Variants in MAGI2 observed in about 807,000 individuals in gnomAD.
The protein encoded by MAGI2 is membrane associated guanylate kinase, WW and PDZ domain containing 2, also known as membrane-associated guanylate kinase, WW and PDZ domain-containing protein 2.
MAGI2 carries 35 observed loss-of-function variants against 133.3 expected under a neutral mutation model. The ratio of observed to expected loss-of-function variants is 0.26; its 90% confidence interval spans 0.20 to 0.35. MAGI2 has a LOEUF of 0.35. Among genes scored for constraint, MAGI2 ranks in the 10% least tolerant of loss-of-function variants. The probability of loss-of-function intolerance (pLI) is 1.00; values close to 1 mark genes in which losing one functional copy is unlikely to be tolerated. For synonymous variants in MAGI2, 729 were observed against 710.6 expected (o/e 1.03, Z -0.41); for missense variants, 1,636 against 1,863.4 (o/e 0.88, Z 2.25).
At chr7:78,133,241 A>G (rs980183301) in intron 17 of MAGI2, among the ~76,000 whole-genome samples, 181 bp from the exon 18 acceptor site, 1 of 152,170 alleles carries the variant, frequency 6.6e-6, no homozygotes, top group African/African-American at 2.4e-5. Context: ...TGATATTTGT[A>G]TTCTTTCATT....
chr7:78,511,533 T>TATATA (rs1795567201), intron 4 of MAGI2, among the ~76,000 whole-genome samples: 1 of 134,552 alleles, frequency 7.4e-6, no homozygotes, highest in Non-Finnish European at 1.6e-5. Flanking sequence ...TCACCATCTT[T>TATATA]TATATATATA....
Position 79,194,795 on chromosome 7 carries a change from G to GA in MAGI2, c.302-187590dup, listed in dbSNP as rs200900142. Among the ~76,000 whole-genome samples, 528 of 144,496 alleles carry GA rather than the reference G, an allele frequency of 3.7e-3. 7 individuals are homozygous for GA. The highest frequency in any genetic ancestry group is 0.011 in the African/African-American group (445 of 39,208). The allele number at this position is 144,496 out of a possible 152,430, so 94.8% of individuals were successfully genotyped here. ...TCAGTTTGAAGACTACCTTAGAAAA[G>GA]AAAAAAAAAATGCCGCACACTCTAG... On this transcript the variant is annotated intron_variant, in intron 1 of 21. Coordinates refer to ENST00000354212, the MANE Select transcript of MAGI2 (RefSeq NM_012301.4).
chr7:79,420,449 C>A (rs1016311577), intron 1 of MAGI2, among the ~76,000 whole-genome samples: 2 of 151,912 alleles, frequency 1.3e-5, no homozygotes, highest in African/African-American at 2.4e-5. Flanking sequence ...CCTAACCATA[C>A]TAATTCTTAA....
At chr7:78,165,075 C>G (rs1825491733) in intron 15 of MAGI2, among the ~76,000 whole-genome samples, 1 of 152,132 alleles carries the variant, frequency 6.6e-6, no homozygotes, top group Non-Finnish European at 1.5e-5. Flanking sequence ...TAGTTGCCTA[C>G]TGAAACAATA....
At position 79,320,192 on chromosome 7, in the gene MAGI2, G is replaced by A. The variant is rs575632304; in HGVS notation, c.301+132828C>T. Among the ~76,000 whole-genome samples the A allele has an allele frequency of 3.6e-4, 55 of 152,044 alleles. 4 individuals carry two copies. In the South Asian group the frequency reaches 0.011, roughly 31 times the overall value. On this transcript the variant is annotated intron_variant, in intron 1 of 21. Transcript: ENST00000354212. ...AAAGAATGTTACTTTATAGTACTAT[G>A]ATTTCCCATATATACAAAAAATCCC...
chr7:78,734,946 T>G (rs2151235456), intron 2 of MAGI2, among the ~76,000 whole-genome samples: 1 of 152,364 alleles, frequency 6.6e-6, no homozygotes, highest in East Asian at 1.9e-4. Flanking sequence ...CTGAGATTTT[T>G]GTGATTGTCT....
chr7:78,902,974 C>T (rs1797717400), intron 2 of MAGI2, among the ~76,000 whole-genome samples: 1 of 151,946 alleles, frequency 6.6e-6, no homozygotes, highest in African/African-American at 2.4e-5. Flanking sequence ...TCTCAGATTC[C>T]CCCAAATTAC....
intron 1 of MAGI2, among the ~76,000 whole-genome samples, chr7:79,324,386 G>A (rs1839431359): frequency 7.0e-6 from 1 of 143,324 alleles, no homozygotes; most frequent in Non-Finnish European, 1.5e-5. Context: ...TATACAGTGT[G>A]TATGTATATA....
intron 1 of MAGI2, among the ~76,000 whole-genome samples, chr7:79,076,469 G>A (rs190703758): frequency 1.5e-3 from 224 of 152,286 alleles, no homozygotes; most frequent in Non-Finnish European, 2.6e-3. Flanking sequence ...GAATGACAAT[G>A]ATAGAGCTTA....
At chr7:78,057,622 T>C (rs906486111) in intron 21 of MAGI2, among the ~76,000 whole-genome samples, 1 of 152,188 alleles carries the variant, frequency 6.6e-6, no homozygotes, top group African/African-American at 2.4e-5. Context: ...TTCTTATGCT[T>C]GTTGGCCATT....
intron 1 of MAGI2, among the ~76,000 whole-genome samples, chr7:79,439,296 C>A (rs1472777057): frequency 6.6e-6 from 1 of 152,064 alleles, no homozygotes; most frequent in African/African-American, 2.4e-5. Flanking sequence ...AACCATTTTA[C>A]AAAACATTTC....
intron 20 of MAGI2, among the ~76,000 whole-genome samples, chr7:78,120,979 C>T (rs1247021383): frequency 1.8e-5 from 2 of 109,120 alleles, no homozygotes; most frequent in Non-Finnish European, 1.7e-5. Context: ...CCAGCCTGGG[C>T]GACAGAGCGA....
At chr7:79,104,889 G>A (rs1452798341) in intron 1 of MAGI2, among the ~76,000 whole-genome samples, 2 of 152,094 alleles carry the variant, frequency 1.3e-5, no homozygotes, top group African/African-American at 4.8e-5. Context: ...ACGCCTGTTT[G>A]GTAAGCACAG....
chr7:79,434,720 G>T (rs1848021965), intron 1 of MAGI2, among the ~76,000 whole-genome samples: 1 of 152,132 alleles, frequency 6.6e-6, no homozygotes, highest in Admixed American at 6.5e-5. Context: ...ATGGACAGAG[G>T]TTCTTAAAGT....
At chr7:78,155,843 C>T (rs1298505250) in intron 16 of MAGI2, among the ~76,000 whole-genome samples, 1 of 152,136 alleles carries the variant, frequency 6.6e-6, no homozygotes, top group African/African-American at 2.4e-5. Flanking sequence ...ACAAATCTGT[C>T]AGCCTTTGGT....
At position 79,047,905 on chromosome 7, in the gene MAGI2, T is replaced by C. The variant is rs556487941; in HGVS notation, c.302-40699A>G. Among the ~76,000 whole-genome samples, 3 of 152,256 alleles carry C rather than the reference T, an allele frequency of 2.0e-5. 1 individual carries two copies. Among genetic ancestry groups the C allele is most frequent in the Non-Finnish European group, 1.5e-5 (1 of 68,024 alleles). On this transcript the variant is annotated intron_variant, in intron 1 of 21. Transcript: ENST00000354212. Reference sequence around the variant, plus strand: ...TGGTGATTGTATGTGCTGTAGACCATGGAAATAGATTTTTAGAAGTCAATA... The same window carrying C: ...TGGTGATTGTATGTGCTGTAGACCACGGAAATAGATTTTTAGAAGTCAATA...
chr7:79,179,137 A>G (rs1826383443), intron 1 of MAGI2, among the ~76,000 whole-genome samples: 1 of 152,034 alleles, frequency 6.6e-6, no homozygotes, highest in Non-Finnish European at 1.5e-5. Context: ...ACATATATAT[A>G]TTACAGTGTT....
chr7:78,999,229 C>G (rs1806616265), intron 2 of MAGI2, among the ~76,000 whole-genome samples: 1 of 150,680 alleles, frequency 6.6e-6, no homozygotes, highest in African/African-American at 2.4e-5. Context: ...GCAGAAAAGC[C>G]AATCAAGTCA....
In MAGI2 at chr7:78,558,778, G is replaced by A. The variant is rs141890311; in HGVS notation, c.539-37133C>T. On this transcript the variant is annotated intron_variant, in intron 3 of 21. Coordinates refer to ENST00000354212, the MANE Select transcript of MAGI2 (RefSeq NM_012301.4). ...CTCAATAACTATTCAGTTGGCCCACGTGAGGGTGATCATACAGTGCTTTTG... is the reference window on the plus strand; with the variant it reads ...CTCAATAACTATTCAGTTGGCCCACATGAGGGTGATCATACAGTGCTTTTG... 4.7e-3 allele frequency among the ~76,000 whole-genome samples: 707 copies of A among 150,900 alleles called. 3 individuals carry two copies. The highest frequency in any genetic ancestry group is 0.016 in the African/African-American group (652 of 41,088).
Sources: allele counts gnomAD v4.1 joint callset (sites outside exome capture counted in the v4.1 genomes callset), GRCh38; gene constraint gnomAD v4.1.1; transcripts MANE v1.5; gene names NCBI Gene and HGNC (gene_info 2026-07-23, HGNC 2026-07-21).